Variants in NPIPA5 observed in about 807,000 individuals in gnomAD.
NPIPA5 encodes nuclear pore complex interacting protein family member A5, also known as nuclear pore complex-interacting protein family member A5.
A neutral mutation model predicts 21.4 loss-of-function variants in NPIPA5; 6 were observed. That is an observed-to-expected ratio of 0.28 (90% CI 0.15 to 0.55). The LOEUF is 0.55. NPIPA5 is among the 20% of genes least tolerant of loss of function. NPIPA5 has a pLI of 0.93. For synonymous variants in NPIPA5, 33 were observed against 115.3 expected (o/e 0.29, Z 4.57); for missense variants, 99 against 318.2 (o/e 0.31, Z 5.24).
At chr16:15,371,542 A>G (rs1442821629) in intron 2 of NPIPA5, among the ~76,000 whole-genome samples, 2 of 146,236 alleles carry the variant, frequency 1.4e-5, no homozygotes, top group African/African-American at 4.9e-5. Context: ...AGTGTCAGTC[A>G]ACCATGCTGA....
intron 1 of NPIPA5, among the ~76,000 whole-genome samples, chr16:15,374,386 A>G (rs892387159): frequency 6.6e-6 from 1 of 151,730 alleles, no homozygotes; most frequent in African/African-American, 2.4e-5. Flanking sequence ...TTTAGTAGAG[A>G]TGAGGTTTCA....
chr16:15,374,034 AGT>A (rs2150873045), intron 1 of NPIPA5, among the ~76,000 whole-genome samples, 191 bp from the exon 2 acceptor site: 1 of 113,904 alleles, frequency 8.8e-6, no homozygotes, highest in Non-Finnish European at 1.8e-5. Flanking sequence ...GATGGCTGGT[AGT>A]GTTTTTAGGC....
In NPIPA5 at chr16:15,363,741, G is replaced by T; in HGVS notation, c.971C>A (p.Ala324Glu). 2 of 1,271,374 alleles carry T rather than the reference G, an allele frequency of 1.6e-6. No homozygotes were observed. Among genetic ancestry groups the T allele is most frequent in the Non-Finnish European group, 1.0e-6 (1 of 967,188 alleles). The allele number at this position is 1,271,374 out of a possible 1,614,324, so 78.8% of individuals were successfully genotyped here. ...TPLPPSAPPS[A>E]DDNLKTPPEC... Reference sequence around the variant, plus strand: ...GGGAGGTGTCTTGAGATTATCATCCGCTGAGGGTGGAGCTGAGGGTGGAAG... The same window carrying T: ...GGGAGGTGTCTTGAGATTATCATCCTCTGAGGGTGGAGCTGAGGGTGGAAG... Residue 324 changes from alanine to glutamate, a missense_variant, in exon 8 of 8, where the codon GCG (alanine) becomes GAG (glutamate). Ala to Glu is a moderately radical substitution (Grantham distance 107, BLOSUM62 -1). Around this residue, in one of 5 missense-constraint regions of NPIPA5, gnomAD observed 75 missense variants for 138.5 expected, o/e 0.54. Transcript: ENST00000360151.
chr16:15,374,195 A>T (rs1268564577), intron 1 of NPIPA5, among the ~76,000 whole-genome samples: 16 of 146,190 alleles, frequency 1.1e-4, no homozygotes, highest in African/African-American at 2.0e-4. Context: ...TAAAAAAAAA[A>T]TTTTTTTTTT....
chr16:15,369,462 A>G (rs1222324180), intron 4 of NPIPA5, among the ~76,000 whole-genome samples: 98 of 151,920 alleles, frequency 6.5e-4, no homozygotes, highest in African/African-American at 1.7e-3. Flanking sequence ...AAAAAAAAAA[A>G]AGAGAGAGAG....
chr16:15,367,207 C>G lies in NPIPA5; in HGVS notation c.438-447G>C, dbSNP rs932226762. On this transcript the variant is annotated intron_variant, in intron 4 of 7. Coordinates refer to ENST00000360151, the MANE Select transcript of NPIPA5 (RefSeq NM_001277325.2). ...TGACTCCTCCTGTGTGAGACTGATT[C>G]TCAGTCAGAGGCTGATGCCGGAACT... is the stretch of plus-strand genomic sequence containing the variant. 5.3e-5 allele frequency among the ~76,000 whole-genome samples: 8 copies of G among 152,230 alleles called. 1 individual carries two copies. The highest frequency in any genetic ancestry group is 1.9e-4 in the African/African-American group (8 of 41,490).
In NPIPA5 at chr16:15,375,481, C is replaced by A. The variant is rs1324526105; in HGVS notation, c.64-1638G>T. ...AAGGTGGGCCGGGCGTGGTGGCTCA[C>A]GCCTGCAATCCCAGCACTTTGGGAA... On this transcript the variant is annotated intron_variant, in intron 1 of 7. Coordinates refer to ENST00000360151, the MANE Select transcript of NPIPA5 (RefSeq NM_001277325.2). 3.3e-5 allele frequency among the ~76,000 whole-genome samples: 5 copies of A among 151,442 alleles called. 1 individual carries two copies. In the South Asian group the frequency reaches 8.4e-4, roughly 25 times the overall value.
Position 15,376,877 on chromosome 16 carries a change from G to A in NPIPA5, c.63+1355C>T, listed in dbSNP as rs183756609. ...TAATCTGAGCTACTCAGGAGGCTGA[G>A]GCAGGACAATTGCTTGAACCCCGGA... On this transcript the variant is annotated intron_variant, in intron 1 of 7. Coordinates refer to ENST00000360151, the MANE Select transcript of NPIPA5 (RefSeq NM_001277325.2). Among the ~76,000 whole-genome samples the A allele has an allele frequency of 8.8e-3, 1,336 of 152,256 alleles. 24 individuals carry two copies. Among genetic ancestry groups the A allele is most frequent in the African/African-American group, 0.03 (1,252 of 41,520 alleles).
intron 1 of NPIPA5, among the ~76,000 whole-genome samples, chr16:15,377,561 G>A (rs984240492): frequency 1.4e-5 from 2 of 143,222 alleles, no homozygotes; most frequent in African/African-American, 5.1e-5. Context: ...AGCCAGGACA[G>A]AGGTGGAGGT....
intron 4 of NPIPA5, among the ~76,000 whole-genome samples, 161 bp from the exon 5 acceptor site, chr16:15,366,921 T>C (rs1037980575): frequency 1.3e-5 from 2 of 151,908 alleles, no homozygotes; most frequent in Non-Finnish European, 2.9e-5. Flanking sequence ...ACACCTCCCA[T>C]TGAGGGATAA....
upstream of NPIPA5, among the ~76,000 whole-genome samples, chr16:15,379,866 C>A (rs538982456): frequency 1.3e-5 from 2 of 152,090 alleles, no homozygotes; most frequent in African/African-American, 4.8e-5. Flanking sequence ...ATTGCTTGAA[C>A]CCGGGAGACG....
intron 4 of NPIPA5, 72 bp from the exon 5 acceptor site, chr16:15,366,832 G>A: frequency 1.3e-6 from 2 of 1,517,026 alleles, no homozygotes; most frequent in Non-Finnish European, 1.8e-6. Flanking sequence ...TCTGGCATCT[G>A]AAGGCTGTGA....
At chr16:15,372,298 AACATGGTAAAACCCCG>A (rs2050178219) in intron 2 of NPIPA5, among the ~76,000 whole-genome samples, 1 of 147,588 alleles carries the variant, frequency 6.8e-6, no homozygotes, top group South Asian at 2.2e-4. Context: ...TAGCCTGGCC[AACATGGTAAAACCCCG>A]ACTCTACTAA....
chr16:15,376,059 C>T (rs2150879852), intron 1 of NPIPA5, among the ~76,000 whole-genome samples: 1 of 152,078 alleles, frequency 6.6e-6, no homozygotes, highest in East Asian at 1.9e-4. Context: ...GAGAAGCATA[C>T]AACAATGGTA....
At chr16:15,378,918 T>C (rs1438365021), upstream of NPIPA5, among the ~76,000 whole-genome samples, 18 of 135,452 alleles carry the variant, frequency 1.3e-4, no homozygotes, top group East Asian at 2.9e-3. Context: ...TCAGCTTCTC[T>C]CCTAAGGTAT....
At chr16:15,377,734 A>G (rs2050345342) in intron 1 of NPIPA5, among the ~76,000 whole-genome samples, 1 of 138,100 alleles carries the variant, frequency 7.2e-6, no homozygotes, top group Non-Finnish European at 1.6e-5. Context: ...GAGGAGAAGA[A>G]AGGGGTCTGG....
chr16:15,371,110 T>G (rs1454542873), intron 2 of NPIPA5, among the ~76,000 whole-genome samples: 1 of 144,422 alleles, frequency 6.9e-6, no homozygotes, highest in Non-Finnish European at 1.5e-5. Flanking sequence ...TCAACATGGT[T>G]AGATGGTAAT....
chr16:15,367,521 C>G (rs912116422), intron 4 of NPIPA5, among the ~76,000 whole-genome samples: 2 of 151,934 alleles, frequency 1.3e-5, no homozygotes, highest in African/African-American at 4.8e-5. Context: ...AAAAAGGAAA[C>G]GGCCTCAAAA....
intron 4 of NPIPA5, among the ~76,000 whole-genome samples, chr16:15,367,557 C>T (rs144916582): frequency 6.6e-6 from 1 of 152,022 alleles, no homozygotes; most frequent in African/African-American, 2.4e-5. Context: ...GTTGCCCTCA[C>T]ACCACTTGAT....
Sources: allele counts gnomAD v4.1 joint callset (sites outside exome capture counted in the v4.1 genomes callset), GRCh38; gene constraint gnomAD v4.1.1; regional missense constraint gnomAD v4.1.1; transcripts MANE v1.5; gene names NCBI Gene and HGNC (gene_info 2026-07-23, HGNC 2026-07-21).